The following NCALD variants were observed in gnomAD, a reference collection of about 807,000 sequenced individuals.
The protein encoded by NCALD is neurocalcin delta, also known as neurocalcin-delta.
Under a neutral mutation model 18.6 loss-of-function variants are expected in NCALD, and 10 were observed. The observed-to-expected ratio is 0.54, with a 90% CI of 0.33 to 0.91. The LOEUF is 0.91. NCALD is among the 40% of genes least tolerant of loss of function. The pLI is 0.03. For synonymous variants in NCALD, 88 were observed against 87.4 expected, an observed-to-expected ratio of 1.01 and a Z score of -0.04; for missense variants, 184 against 247.6, an observed-to-expected ratio of 0.74 and a Z score of 1.72.
At chr8:102,036,612 T>C (rs1329207149) in intron 1 of NCALD, among the ~76,000 whole-genome samples, 1 of 151,846 alleles carries the variant, frequency 6.6e-6, no homozygotes, top group Non-Finnish European at 1.5e-5. Context: ...CCATTTCTAC[T>C]AAAAATACAA....
chr8:101,827,033 C>T (rs938715800), intron 4 of NCALD, among the ~76,000 whole-genome samples: 3 of 152,170 alleles, frequency 2.0e-5, no homozygotes. Context: ...AATTTATTAT[C>T]TCACAGTTCT....
At chr8:101,941,343 G>A (rs1341052171) in intron 2 of NCALD, among the ~76,000 whole-genome samples, 3 of 152,192 alleles carry the variant, frequency 2.0e-5, no homozygotes, top group Non-Finnish European at 2.9e-5. Context: ...TAGAGCTCAC[G>A]CTCCTATGAG....
intron 1 of NCALD, among the ~76,000 whole-genome samples, chr8:102,082,224 C>CTTTTTTTTTTTTTTTTT (rs1362023921): frequency 3.7e-5 from 4 of 109,406 alleles, no homozygotes; most frequent in African/African-American, 1.5e-4. Context: ...GAGAAGCTCT[C>CTTTTTTTTTTTTTTTTT]TCTTTTTTTT....
At chr8:101,959,463 G>A (rs1819757025) in intron 2 of NCALD, among the ~76,000 whole-genome samples, 1 of 151,990 alleles carries the variant, frequency 6.6e-6, no homozygotes. Context: ...TTCATAAGAA[G>A]GTACTTTGAG....
At chr8:101,691,142 T>C (rs773741725) in intron 3 of NCALD, 4 of 985,336 alleles carry the variant, frequency 4.1e-6, no homozygotes, top group Non-Finnish European at 4.8e-6. Flanking sequence ...AATCCTGGGG[T>C]CCAGCAGCCA....
chr8:102,003,300 G>A (rs1046125569), intron 2 of NCALD, among the ~76,000 whole-genome samples: 6 of 152,168 alleles, frequency 3.9e-5, no homozygotes, highest in African/African-American at 1.4e-4. Flanking sequence ...TAAATTCCTC[G>A]ACATATACAC....
At chr8:101,744,698 A>C (rs1810354346) in intron 1 of NCALD, among the ~76,000 whole-genome samples, 2 of 152,200 alleles carry the variant, frequency 1.3e-5, no homozygotes, top group Non-Finnish European at 2.9e-5. Flanking sequence ...CCATGGGAGC[A>C]GGAAGCTATT....
At chr8:102,049,046 T>C (rs563236203) in intron 1 of NCALD, among the ~76,000 whole-genome samples, 2 of 152,214 alleles carry the variant, frequency 1.3e-5, no homozygotes, top group Non-Finnish European at 2.9e-5. Context: ...AGGCACTTTA[T>C]GTATCTTAAT....
intron 1 of NCALD, among the ~76,000 whole-genome samples, chr8:102,031,384 T>TG (rs1822664845): frequency 6.6e-6 from 1 of 152,178 alleles, no homozygotes; most frequent in African/African-American, 2.4e-5. Flanking sequence ...GCTGGGCAAC[T>TG]GATATAAAAG....
intron 2 of NCALD, among the ~76,000 whole-genome samples, chr8:101,926,398 G>A (rs1818337352): frequency 1.3e-5 from 2 of 152,066 alleles, no homozygotes; most frequent in Admixed American, 6.5e-5. Flanking sequence ...ACAACCACAG[G>A]GGCTGATTAG....
At position 101,789,921 on chromosome 8, in the gene NCALD, T is replaced by C. The variant is rs16868455; in HGVS notation, c.-20+941A>G. ...AAACAATTTGTAGTAAATAGTATTA[T>C]AGGAATAAAGAGATAAAAATTCTTA... On this transcript the variant is annotated intron_variant, in intron 1 of 3. Coordinates refer to ENST00000220931, the MANE Select transcript of NCALD (RefSeq NM_032041.3). Among the ~76,000 whole-genome samples, 1,100 of 152,332 alleles carry C rather than the reference T, an allele frequency of 7.2e-3. 13 individuals carry two copies. The highest frequency in any genetic ancestry group is 0.024 in the African/African-American group (985 of 41,580).
chr8:101,973,284 T>C (rs542027231), intron 2 of NCALD, among the ~76,000 whole-genome samples: 1 of 152,306 alleles, frequency 6.6e-6, no homozygotes, highest in African/African-American at 2.4e-5. Context: ...CTCTTGGCTG[T>C]GACTGTTTCT....
chr8:101,985,220 T>C (rs1820763181), intron 2 of NCALD, among the ~76,000 whole-genome samples: 1 of 152,154 alleles, frequency 6.6e-6, no homozygotes, highest in African/African-American at 2.4e-5. Flanking sequence ...GGTCTTCTGA[T>C]GACCCACCCC....
At chr8:101,754,345 C>T (rs1297350683) in intron 1 of NCALD, among the ~76,000 whole-genome samples, 21 of 152,128 alleles carry the variant, frequency 1.4e-4, no homozygotes, top group Non-Finnish European at 1.5e-5. Flanking sequence ...TTGTCTTAGT[C>T]TATTGGTGCT....
chr8:101,809,369 A>G (rs548256049), intron 4 of NCALD, among the ~76,000 whole-genome samples: 1 of 152,288 alleles, frequency 6.6e-6, no homozygotes, highest in Non-Finnish European at 1.5e-5. Context: ...CTCAGAGAGA[A>G]AGAGTTTCTC....
At chr8:101,887,259 C>G (rs1816709286) in intron 3 of NCALD, 1 of 152,130 alleles carries the variant, frequency 6.6e-6, no homozygotes, top group Non-Finnish European at 1.5e-5. Flanking sequence ...GAATATTGTA[C>G]TTGAACATTT....
intron 2 of NCALD, among the ~76,000 whole-genome samples, chr8:101,947,680 TTC>T (rs1023565942): frequency 6.6e-6 from 1 of 152,240 alleles, no homozygotes; most frequent in African/African-American, 2.4e-5. Flanking sequence ...TTTTTTATTT[TTC>T]TCTTTTAATT....
rs117706646 is a variant in NCALD, at chr8:101,722,007, A to T, written c.-19-2359T>A. On this transcript the variant is annotated intron_variant, in intron 1 of 3. Coordinates refer to ENST00000220931, the MANE Select transcript of NCALD (RefSeq NM_032041.3). ...CAGGTGTGTACCACCATGCCTGGCT[A>T]AATTTTTTATTTTTTGTAGAGATGG... 3.9e-3 allele frequency among the ~76,000 whole-genome samples: 589 copies of T among 152,160 alleles called. 5 individuals carry two copies. In the East Asian group the frequency reaches 0.055, roughly 14 times the overall value.
chr8:102,114,862 T>C (rs1404621970), intron 1 of NCALD, among the ~76,000 whole-genome samples: 1 of 152,204 alleles, frequency 6.6e-6, no homozygotes, highest in Non-Finnish European at 1.5e-5. Context: ...TTACTGCCCT[T>C]GCCCTACAGA....
Sources: allele counts gnomAD v4.1 joint callset (sites outside exome capture counted in the v4.1 genomes callset), GRCh38; gene constraint gnomAD v4.1.1; transcripts MANE v1.5; gene names NCBI Gene and HGNC (gene_info 2026-07-23, HGNC 2026-07-21).